The following FAM83F variants were observed in gnomAD, a reference collection of about 807,000 sequenced individuals.
FAM83F encodes the protein scaffolding CK1 anchoring protein F.
FAM83F carries 45 observed loss-of-function variants against 42.9 expected under a neutral mutation model. The observed-to-expected ratio is 1.05, with a 90% CI of 0.83 to 1.35. FAM83F has a LOEUF of 1.35. Ranked by LOEUF, FAM83F falls within the 40% of genes most tolerant of loss-of-function variation. FAM83F has a pLI of 0.00. For missense variants in FAM83F, 617 were observed against 695.9 expected (o/e 0.89, Z 1.28); for synonymous variants, 306 against 298.3 (o/e 1.03, Z -0.27).
At position 40,021,955 on chromosome 22, in the gene FAM83F, A is replaced by G. The variant is rs753366673; in HGVS notation, c.1445A>G (p.Asp482Gly). 13 of 1,554,740 alleles carry G rather than the reference A, an allele frequency of 8.4e-6. No homozygotes were observed. The Admixed American group carries it at 9.4e-5, about 11-fold the overall frequency. The change falls in exon 4 of 5, where the codon GAC becomes GGC. Residue 482 changes from aspartate (D) to glycine (G), a missense_variant. By Grantham distance (94) the Asp-to-Gly change is moderately conservative. Coordinates refer to ENST00000333407, the MANE Select transcript of FAM83F (RefSeq NM_138435.4). The surrounding 1 kb of genome is among the most constrained non-coding windows in gnomAD (Gnocchi z 8.7). Reference sequence around the variant, plus strand: ...AGGCCCAACGAGAATTCCAGTGCTGACATCTCAGGTGAGCCCTCTTCCCTC... The same window carrying G: ...AGGCCCAACGAGAATTCCAGTGCTGGCATCTCAGGTGAGCCCTCTTCCCTC... Reference protein sequence around the residue: ...GKRPNENSSADISGKTSPSSA... With the variant: ...GKRPNENSSAGISGKTSPSSA...
rs574222318 is a variant in FAM83F at position 40,036,235 on chromosome 22, A to G, written c.*6670A>G. 1.1e-4 allele frequency: 17 copies of G among 152,262 alleles called. No individual in the cohort carries two copies. Among genetic ancestry groups the G allele is most frequent in the African/African-American group, 4.1e-4 (17 of 41,524 alleles). 9.4% of individuals were successfully genotyped at this position (152,262 alleles called of 1,614,324 possible). The stretch of plus-strand genomic sequence containing the variant: ...TGTAGAGATAGGATCTCACTGTGTT[A>G]CCCAAGCTAGACTTGAACTCCTGGC... On this transcript the variant is annotated 3_prime_UTR_variant, in exon 5 of 5. Transcript: ENST00000333407.
intron 1 of FAM83F, among the ~76,000 whole-genome samples, chr22:40,017,516 A>C (rs2067498791): frequency 6.6e-6 from 1 of 152,210 alleles, no homozygotes; most frequent in Non-Finnish European, 1.5e-5. Context: ...TACAGGCGTG[A>C]GACACCATGC....
At position 40,021,415 on chromosome 22, in the gene FAM83F, G is replaced by A. The variant is rs1241819040; in HGVS notation, c.905G>A (p.Arg302Gln). 5 of 1,613,484 alleles carry A rather than the reference G, an allele frequency of 3.1e-6. No individual in the cohort carries two copies. The highest frequency in any genetic ancestry group is 2.2e-5 in the East Asian group (1 of 44,886). Residue 302 changes from arginine to glutamine, a missense_variant, in exon 4 of 5, where the codon CGG becomes CAG. Physicochemically the swap from Arg to Gln is conservative, Grantham distance 43. Coordinates refer to ENST00000333407, the MANE Select transcript of FAM83F (RefSeq NM_138435.4). This position sits in a 1 kb window ranked among gnomAD's most constrained non-coding sequence, Gnocchi z 8.7. ...ATCTCCGAGGAGGTGGACTTGTACC[G>A]GCAGCTGAGCCTGGCGGGCAGGGTT... ...YAISEEVDLY[R>Q]QLSLAGRVGL...
intron 1 of FAM83F, among the ~76,000 whole-genome samples, chr22:39,996,818 C>T (rs1233792780): frequency 1.3e-5 from 2 of 152,166 alleles, no homozygotes; most frequent in Non-Finnish European, 2.9e-5. Context: ...CTCTATAATT[C>T]CTCCCTGTCT....
In FAM83F at chr22:40,042,630, T is replaced by A. The variant is rs1375467727; in HGVS notation, c.*13065T>A. On this transcript the variant is annotated 3_prime_UTR_variant, in exon 5 of 5. Coordinates refer to ENST00000333407, the MANE Select transcript of FAM83F (RefSeq NM_138435.4). ...GGTCCTTGAAGGAAGAGAGAGTGTA[T>A]CACTCATCTGCATAGCCTTTGTAAC... The A allele has an allele frequency of 6.6e-6, 1 of 152,232 alleles. No homozygotes were observed. Among genetic ancestry groups the A allele is most frequent in the African/African-American group, 2.4e-5 (1 of 41,458 alleles). The allele number at this position is 152,232 out of a possible 1,614,324, so 9.4% of individuals were successfully genotyped here. A position where few individuals can be genotyped will look rare whatever the true frequency, so the allele number is the denominator to read the frequency against.
rs764885142 is a variant in FAM83F, at chr22:40,029,529, C to T, written c.1467C>T (p.Pro489=). 2.5e-6 allele frequency: 4 copies of T among 1,612,550 alleles called. No individual in the cohort carries two copies. The East Asian group carries it at 8.9e-5, about 36-fold the overall frequency. The change falls in exon 5 of 5, where the codon CCC becomes CCT. Residue 489 remains proline (P), a synonymous_variant. Transcript: ENST00000333407. ...SSADISGKTS[P]SSAKPSNCVI... is the part of the protein sequence containing the mutation. Reference sequence around the variant, plus strand: ...TTGCCTCTGCAGGTAAAACAAGTCCCAGTTCTGCCAAGCCTAGCAACTGTG... The same window carrying T: ...TTGCCTCTGCAGGTAAAACAAGTCCTAGTTCTGCCAAGCCTAGCAACTGTG...
chr22:40,019,974 G>A lies in FAM83F; in HGVS notation c.745G>A (p.Val249Met). Residue 249 changes from valine to methionine, a missense_variant, in exon 3 of 5, where the codon GTG becomes ATG. Val to Met is a conservative substitution (Grantham distance 21). Transcript: ENST00000333407. The stretch of plus-strand genomic sequence containing the variant: ...GACCCTGTCATCAAGGTTCCTGATG[G>A]TGGACGGTGACAAAGTGGCCACTGG... The part of the protein sequence containing the change: ...KGTLSSRFLM[V>M]DGDKVATGSY... 2.5e-6 allele frequency: 4 copies of A among 1,613,654 alleles called. 1 individual carries two copies. The African/African-American group carries it at 5.3e-5, about 22-fold the overall frequency.
rs965535085 is a variant in FAM83F at position 40,037,906 on chromosome 22, T to G, written c.*8341T>G. The G allele has an allele frequency of 6.6e-6, 1 of 151,182 alleles. No homozygotes were observed. The highest frequency in any genetic ancestry group is 1.5e-5 in the Non-Finnish European group (1 of 67,874). The allele number at this position is 151,182 out of a possible 1,614,324, so 9.4% of individuals were successfully genotyped here. A position where few individuals can be genotyped will look rare whatever the true frequency, so the allele number is the denominator to read the frequency against. On this transcript the variant is annotated 3_prime_UTR_variant, in exon 5 of 5. Transcript: ENST00000333407. The stretch of plus-strand genomic sequence containing the variant: ...CTAATTAAAAAAAAAACTTTAGGGA[T>G]GGGGTCTTGCTATGTTGTCTAGGCT...
chr22:40,021,536 C>T lies in FAM83F; in HGVS notation c.1026C>T (p.Arg342=). 6.4e-7 allele frequency: 1 copy of T among 1,567,696 alleles called. No individual in the cohort carries two copies. Among genetic ancestry groups the T allele is most frequent in the Non-Finnish European group, 8.7e-7 (1 of 1,151,908 alleles). The part of the protein sequence containing the change: ...GCRHPPGEMM[R]WAARQQREAG... ...GCCACCCGCCTGGGGAGATGATGCG[C>T]TGGGCTGCCCGGCAACAGCGGGAGG... Residue 342 remains arginine, a synonymous_variant, in exon 4 of 5, where the codon CGC becomes CGT. Coordinates refer to ENST00000333407, the MANE Select transcript of FAM83F (RefSeq NM_138435.4). The surrounding 1 kb of genome is among the most constrained non-coding windows in gnomAD (Gnocchi z 8.7).
At position 40,034,276 on chromosome 22, in the gene FAM83F, G is replaced by A. The variant is rs2067607805; in HGVS notation, c.*4711G>A. 1 of 152,294 alleles carries A rather than the reference G, an allele frequency of 6.6e-6. No individual in the cohort carries two copies. Among genetic ancestry groups the A allele is most frequent in the African/African-American group, 2.4e-5 (1 of 41,466 alleles). The allele number at this position is 152,294 out of a possible 1,614,324, so 9.4% of individuals were successfully genotyped here. On this transcript the variant is annotated 3_prime_UTR_variant, in exon 5 of 5. Coordinates refer to ENST00000333407, the MANE Select transcript of FAM83F (RefSeq NM_138435.4). ...CCCAAAGGACGTAGTGGCTGCTGCTGATCGTCTGCACTGCTGTTCCAGGGG... is the reference window on the plus strand; with the variant it reads ...CCCAAAGGACGTAGTGGCTGCTGCTAATCGTCTGCACTGCTGTTCCAGGGG...
At chr22:40,008,259 G>A (rs747586128) in intron 1 of FAM83F, among the ~76,000 whole-genome samples, 2 of 152,208 alleles carry the variant, frequency 1.3e-5, no homozygotes, top group Non-Finnish European at 1.5e-5. Flanking sequence ...CGGGAGGCGC[G>A]GGCTGCCTGG....
At chr22:39,999,754 T>C (rs528842537) in intron 1 of FAM83F, among the ~76,000 whole-genome samples, 3 of 152,208 alleles carry the variant, frequency 2.0e-5, no homozygotes, top group African/African-American at 7.2e-5. Flanking sequence ...AACTAGGAGC[T>C]GCTTCTATTT....
intron 1 of FAM83F, among the ~76,000 whole-genome samples, chr22:40,015,317 C>A (rs966993909): frequency 6.6e-6 from 1 of 152,088 alleles, no homozygotes; most frequent in Non-Finnish European, 1.5e-5. Flanking sequence ...CGAGACATAC[C>A]CACATTATGG....
At chr22:40,029,071 T>G (rs2067571511) in intron 4 of FAM83F, among the ~76,000 whole-genome samples, 1 of 146,016 alleles carries the variant, frequency 6.8e-6, no homozygotes, top group Non-Finnish European at 1.5e-5. Flanking sequence ...GAGCGGCCTC[T>G]TGGCTAGACG....
Position 39,995,029 on chromosome 22 carries a change from G to T in FAM83F, c.-14G>T. 6 of 1,242,008 alleles carry T rather than the reference G, an allele frequency of 4.8e-6. No individual in the cohort carries two copies. The highest frequency in any genetic ancestry group is 6.0e-6 in the Non-Finnish European group (6 of 1,005,580). 76.9% of individuals were successfully genotyped at this position (1,242,008 alleles called of 1,614,324 possible). A position where few individuals can be genotyped will look rare whatever the true frequency, so the allele number is the denominator to read the frequency against. ...CGGGGCCGGGGCCAGGGCCGGGGCC[G>T]GGGCCGGGGCGCCATGGCCGAGTCC... is the stretch of plus-strand genomic sequence containing the variant. On this transcript the variant is annotated 5_prime_UTR_variant, in exon 1 of 5. Coordinates refer to ENST00000333407, the MANE Select transcript of FAM83F (RefSeq NM_138435.4). This position sits in a 1 kb window ranked among gnomAD's most constrained non-coding sequence, Gnocchi z 4.6.
chr22:40,021,789 G>A lies in FAM83F; in HGVS notation c.1279G>A (p.Ala427Thr). The change falls in exon 4 of 5, where the codon GCG (alanine) becomes ACG (threonine). Residue 427 changes from alanine (A) to threonine (T), a missense_variant. Transcript: ENST00000333407. This position sits in a 1 kb window ranked among gnomAD's most constrained non-coding sequence, Gnocchi z 8.7. ...EAPSRNGMGE[A>T]ARGEAAPARR... ...ACCCAGCCGAAACGGCATGGGAGAA[G>A]CGGCCCGGGGGGAGGCCGCCCCCGC... is the stretch of plus-strand genomic sequence containing the variant. 6.2e-7 allele frequency: 1 copy of A among 1,612,654 alleles called. No individual in the cohort carries two copies. The highest frequency in any genetic ancestry group is 8.5e-7 in the Non-Finnish European group (1 of 1,179,678).
chr22:40,013,092 A>G (rs2067475636), intron 1 of FAM83F, among the ~76,000 whole-genome samples: 2 of 150,508 alleles, frequency 1.3e-5, no homozygotes, highest in Admixed American at 1.3e-4. Context: ...CAAAAAAAAA[A>G]AAAAAAAAAA....
At position 40,036,344 on chromosome 22, in the gene FAM83F, G is replaced by C. The variant is rs185039679; in HGVS notation, c.*6779G>C. The stretch of plus-strand genomic sequence containing the variant: ...CACACCTGGCCAAGGCCCAGGTTTC[G>C]ACAGAAAGGGAGAGAAAACCTGCCA... On this transcript the variant is annotated 3_prime_UTR_variant, in exon 5 of 5. Transcript: ENST00000333407. The C allele has an allele frequency of 6.6e-6, 1 of 152,172 alleles. No individual in the cohort carries two copies. The highest frequency in any genetic ancestry group is 2.4e-5 in the African/African-American group (1 of 41,438). 9.4% of individuals were successfully genotyped at this position (152,172 alleles called of 1,614,324 possible).
At chr22:40,009,759 G>A (rs2958651) in intron 1 of FAM83F, 47,739 of 152,218 alleles carry the variant, frequency 0.31, 7,967 homozygotes, top group African/African-American at 0.41. Flanking sequence ...ACCTGGCAGA[G>A]CCATGCCTTC....
Sources: allele counts gnomAD v4.1 joint callset (sites outside exome capture counted in the v4.1 genomes callset), GRCh38; gene constraint gnomAD v4.1.1; non-coding constraint Gnocchi (gnomAD v3.1); transcripts MANE v1.5; gene names NCBI Gene and HGNC (gene_info 2026-07-23, HGNC 2026-07-21).